Variants in DPP10 observed in about 807,000 individuals in gnomAD.
DPP10 encodes the protein inactive dipeptidyl peptidase 10.
A neutral mutation model predicts 120.9 loss-of-function variants in DPP10; 33 were observed. That is an observed-to-expected ratio of 0.27 (90% CI 0.21 to 0.37). DPP10 has a LOEUF of 0.37. Ranked by LOEUF, DPP10 falls within the 10% of genes least tolerant of loss-of-function variation. DPP10 has a pLI of 1.00. For synonymous variants in DPP10, 337 were observed against 326.1 expected (o/e 1.03, Z -0.36); for missense variants, 816 against 942.8 (o/e 0.87, Z 1.76).
At chr2:114,719,307 G>T (rs1353651054) in intron 1 of DPP10, among the ~76,000 whole-genome samples, 1 of 152,098 alleles carries the variant, frequency 6.6e-6, no homozygotes, top group African/African-American at 2.4e-5. Context: ...TGCTACTGAG[G>T]TGTCAGGAAA....
intron 1 of DPP10, among the ~76,000 whole-genome samples, chr2:115,117,622 A>T (rs2104717018): frequency 6.6e-6 from 1 of 152,332 alleles, no homozygotes; most frequent in Non-Finnish European, 1.5e-5. Flanking sequence ...AAGAAAAATC[A>T]AAGTGTCTGT....
At chr2:115,393,228 G>A (rs1240402746) in intron 3 of DPP10, among the ~76,000 whole-genome samples, 3 of 151,720 alleles carry the variant, frequency 2.0e-5, no homozygotes, top group East Asian at 1.9e-4. Context: ...CATGAGAATC[G>A]CTTGAACCCA....
chr2:114,922,660 T>A (rs1196437539), intron 1 of DPP10, among the ~76,000 whole-genome samples: 2 of 152,222 alleles, frequency 1.3e-5, no homozygotes, highest in Non-Finnish European at 2.9e-5. Context: ...CTTTTGTGAC[T>A]GGCTCTTTCA....
intron 21 of DPP10, among the ~76,000 whole-genome samples, chr2:115,835,038 G>A (rs1326761680): frequency 6.6e-6 from 1 of 151,508 alleles, no homozygotes; most frequent in Non-Finnish European, 1.5e-5. Context: ...GTGAGCCCAG[G>A]GGGCGGAGTT....
intron 3 of DPP10, among the ~76,000 whole-genome samples, chr2:115,376,345 A>G (rs1054689966): frequency 6.6e-6 from 1 of 152,112 alleles, no homozygotes; most frequent in African/African-American, 2.4e-5. Context: ...TTTGCCCTTC[A>G]TGTTAGGAAA....
chr2:114,848,025 TTATA>T (rs1382836156), intron 1 of DPP10, among the ~76,000 whole-genome samples: 3 of 152,202 alleles, frequency 2.0e-5, no homozygotes, highest in African/African-American at 7.2e-5. Flanking sequence ...AGTATCAGTT[TTATA>T]TGTCTGGAAT....
intron 1 of DPP10, among the ~76,000 whole-genome samples, chr2:114,504,921 G>A (rs941018014): frequency 6.6e-5 from 10 of 151,692 alleles, no homozygotes; most frequent in African/African-American, 9.7e-5. Context: ...GCATGGTGGC[G>A]GGTGCCTATA....
chr2:115,633,546 G>A (rs9711166), intron 5 of DPP10, among the ~76,000 whole-genome samples: 31 of 151,920 alleles, frequency 2.0e-4, no homozygotes, highest in Admixed American at 8.5e-4. Flanking sequence ...AAACCTGCAC[G>A]TTGTACACAT....
At chr2:114,480,345 C>G (rs1439101994) in intron 1 of DPP10, among the ~76,000 whole-genome samples, 1 of 152,040 alleles carries the variant, frequency 6.6e-6, no homozygotes, top group Non-Finnish European at 1.5e-5. Context: ...ACCCAGCCAT[C>G]CCGTTACTGG....
At chr2:114,953,960 TCA>T (rs1407460444) in intron 1 of DPP10, among the ~76,000 whole-genome samples, 1 of 152,096 alleles carries the variant, frequency 6.6e-6, no homozygotes, top group Non-Finnish European at 1.5e-5. Flanking sequence ...CTTAAATTAT[TCA>T]CAGTTACTTA....
At chr2:114,717,228 C>T (rs1435661496) in intron 1 of DPP10, among the ~76,000 whole-genome samples, 1 of 152,074 alleles carries the variant, frequency 6.6e-6, no homozygotes, top group Non-Finnish European at 1.5e-5. Flanking sequence ...TGCCACATGC[C>T]AGGGAAAACA....
chr2:115,327,922 T>C (rs1367710291), intron 2 of DPP10, among the ~76,000 whole-genome samples: 1 of 152,050 alleles, frequency 6.6e-6, no homozygotes, highest in Admixed American at 6.6e-5. Flanking sequence ...GCCTGGAGTT[T>C]TATCAACCAT....
At chr2:115,363,249 C>T (rs776824935) in intron 3 of DPP10, among the ~76,000 whole-genome samples, 31 of 152,164 alleles carry the variant, frequency 2.0e-4, no homozygotes, top group Non-Finnish European at 3.8e-4. Flanking sequence ...GTCTCTGTCA[C>T]CCACATCTGT....
intron 7 of DPP10, among the ~76,000 whole-genome samples, chr2:115,706,793 C>T (rs2092127165): frequency 1.3e-5 from 2 of 151,882 alleles, no homozygotes; most frequent in African/African-American, 4.8e-5. Flanking sequence ...CCCAATTAGG[C>T]AGAGTTCAGT....
At chr2:115,378,461 A>G (rs143444746) in intron 3 of DPP10, among the ~76,000 whole-genome samples, 8,190 of 151,708 alleles carry the variant, frequency 0.054, 259 homozygotes, top group South Asian at 0.083. Context: ...GGCTGAGACA[A>G]TGGGGTTTTC....
chr2:115,248,564 G>A (rs939153744), intron 1 of DPP10, among the ~76,000 whole-genome samples: 2 of 152,016 alleles, frequency 1.3e-5, no homozygotes, highest in Non-Finnish European at 2.9e-5. Context: ...GTTATACAGA[G>A]GGAATAAGTT....
At chr2:114,973,660 TCAAAA>T (rs1558941547) in intron 1 of DPP10, among the ~76,000 whole-genome samples, 1 of 3,862 alleles carries the variant, frequency 2.6e-4, no homozygotes. Context: ...AGACTCCGTC[TCAAAA>T]AAAAAAAAAA....
chr2:115,421,795 C>T (rs1329513832), intron 3 of DPP10, among the ~76,000 whole-genome samples: 4 of 147,242 alleles, frequency 2.7e-5, no homozygotes, highest in East Asian at 4.1e-4. Context: ...CGCTTGAACC[C>T]GGGAAGCAGA....
intron 1 of DPP10, among the ~76,000 whole-genome samples, chr2:114,779,854 G>A (rs1310256002): frequency 2.0e-5 from 3 of 152,142 alleles, no homozygotes; most frequent in Non-Finnish European, 4.4e-5. Context: ...AGGAGGGAAG[G>A]GGCTGAGCAC....
Sources: allele counts gnomAD v4.1 joint callset (sites outside exome capture counted in the v4.1 genomes callset), GRCh38; gene constraint gnomAD v4.1.1; transcripts MANE v1.5; gene names NCBI Gene and HGNC (gene_info 2026-07-23, HGNC 2026-07-21).